Variants in ADPRHL1 observed in about 807,000 individuals in gnomAD.
ADPRHL1 encodes the protein inactive ADP-ribosyltransferase ARH2.
ADPRHL1 carries 43 observed loss-of-function variants against 44.1 expected under a neutral mutation model. The observed-to-expected ratio is 0.98, with a 90% CI of 0.76 to 1.26. The LOEUF is 1.26. Ranked by LOEUF, ADPRHL1 falls within the 50% of genes most tolerant of loss-of-function variation. ADPRHL1 has a pLI of 0.00. For missense variants in ADPRHL1, 2,022 were observed against 2,496.9 expected (o/e 0.81, Z 4.05); for synonymous variants, 878 against 1,017.4 (o/e 0.86, Z 2.61).
intron 7 of ADPRHL1, among the ~76,000 whole-genome samples, chr13:113,416,048 G>C (rs1202574174): frequency 6.6e-6 from 1 of 151,802 alleles, no homozygotes; most frequent in African/African-American, 2.4e-5. Flanking sequence ...CCAGGCGGCG[G>C]CAGAGCTGAT....
chr13:113,416,740 G>A (rs181903333), intron 7 of ADPRHL1, among the ~76,000 whole-genome samples: 69 of 152,316 alleles, frequency 4.5e-4, no homozygotes, highest in Non-Finnish European at 5.1e-4. Context: ...GGATAATAGC[G>A]TTATTGAAGG....
In ADPRHL1 at chr13:113,407,372, C is replaced by T; in HGVS notation, c.1910G>A (p.Cys637Tyr). The T allele has an allele frequency of 2.4e-6, 3 of 1,232,080 alleles. No individual in the cohort carries two copies. The highest frequency in any genetic ancestry group is 2.0e-6 in the Non-Finnish European group (2 of 988,088). 76.3% of individuals were successfully genotyped at this position (1,232,080 alleles called of 1,614,324 possible). ...TGCCTCCGAGTGGCTGATTTTGGTG[C>T]AGTGGGACAGCCAGCTCCTGGGGCC... ...VCGPRSWLSH[C>Y]TKISHSEARR... The change falls in exon 8 of 8, where the codon TGC becomes TAC. Residue 637 changes from cysteine (C) to tyrosine (Y), a missense_variant. Physicochemically the swap from Cys to Tyr is radical, Grantham distance 194. This residue lies in a region of ADPRHL1 where 1,221 missense variants were observed against 1,517.8 expected (regional missense o/e 0.80). Coordinates refer to ENST00000612156, the MANE Select transcript of ADPRHL1 (RefSeq NM_001394807.1).
chr13:113,450,878 G>C (rs1047777500), intron 1 of ADPRHL1, among the ~76,000 whole-genome samples: 1 of 152,010 alleles, frequency 6.6e-6, no homozygotes, highest in South Asian at 2.1e-4. Context: ...AACTGCGGGC[G>C]AGCCTGACTC....
chr13:113,414,227 G>A (rs2043875472), intron 7 of ADPRHL1, among the ~76,000 whole-genome samples: 1 of 152,214 alleles, frequency 6.6e-6, no homozygotes, highest in Non-Finnish European at 1.5e-5. Flanking sequence ...CCTCAGCCAT[G>A]TCACACACAT....
intron 4 of ADPRHL1, among the ~76,000 whole-genome samples, chr13:113,426,226 C>T (rs566380450): frequency 2.6e-5 from 4 of 152,334 alleles, no homozygotes; most frequent in African/African-American, 7.2e-5. Flanking sequence ...TCGCCTTCCC[C>T]GCCGTGGAGC....
chr13:113,422,771 C>T (rs118130529), intron 7 of ADPRHL1, 55 bp downstream of exon 7: 31 of 1,604,120 alleles, frequency 1.9e-5, no homozygotes, highest in Middle Eastern at 1.7e-4. Flanking sequence ...GAGGGCCCTA[C>T]GGGCCCCGGG....
At chr13:113,422,022 G>A (rs1252296752) in intron 7 of ADPRHL1, 1 of 152,254 alleles carries the variant, frequency 6.6e-6, no homozygotes, top group African/African-American at 2.4e-5. Context: ...ACAAGAGCAA[G>A]TGGTCTCTTT....
chr13:113,417,046 GGAGA>G (rs1165129355), intron 7 of ADPRHL1, among the ~76,000 whole-genome samples: 9 of 152,216 alleles, frequency 5.9e-5, no homozygotes, highest in Non-Finnish European at 1.3e-4. Flanking sequence ...CATTAAGATA[GGAGA>G]GAGAGACAGC....
At chr13:113,433,348 G>A (rs977107193) in intron 3 of ADPRHL1, among the ~76,000 whole-genome samples, 6 of 152,122 alleles carry the variant, frequency 3.9e-5, no homozygotes, top group Non-Finnish European at 8.8e-5. Flanking sequence ...GCACTGGTGC[G>A]TTTCTTTGTC....
chr13:113,419,813 T>C (rs1208959094), intron 7 of ADPRHL1, among the ~76,000 whole-genome samples: 1 of 152,232 alleles, frequency 6.6e-6, no homozygotes, highest in Non-Finnish European at 1.5e-5. Context: ...AAGCAAACCA[T>C]GACATATACC....
chr13:113,439,543 G>A (rs2044083718), intron 2 of ADPRHL1, among the ~76,000 whole-genome samples: 1 of 151,790 alleles, frequency 6.6e-6, no homozygotes, highest in Non-Finnish European at 1.5e-5. Flanking sequence ...CACCTCCTGG[G>A]TTCAAGCAAT....
At chr13:113,420,798 C>A (rs896680916) in intron 7 of ADPRHL1, among the ~76,000 whole-genome samples, 3 of 151,960 alleles carry the variant, frequency 2.0e-5, no homozygotes, top group African/African-American at 7.3e-5. Flanking sequence ...ACGAACGGGG[C>A]ATCTCTATGG....
intron 3 of ADPRHL1, among the ~76,000 whole-genome samples, chr13:113,431,462 C>T (rs929208674): frequency 2.0e-5 from 3 of 152,226 alleles, no homozygotes; most frequent in Non-Finnish European, 2.9e-5. Context: ...GGTTCTCAAG[C>T]CCAGGGCTCT....
intron 7 of ADPRHL1, among the ~76,000 whole-genome samples, chr13:113,413,530 C>T (rs112564631): frequency 0.021 from 3,214 of 152,342 alleles, 43 homozygotes; most frequent in African/African-American, 0.036. Context: ...TCTCCCGAGG[C>T]GCCCTGTGAT....
At chr13:113,427,033 AC>A (rs2043973080) in intron 4 of ADPRHL1, among the ~76,000 whole-genome samples, 1 of 152,224 alleles carries the variant, frequency 6.6e-6, no homozygotes, top group Non-Finnish European at 1.5e-5. Context: ...TCTGGGTTAA[AC>A]AAATTTGAAA....
chr13:113,407,822 A>C lies in ADPRHL1; in HGVS notation c.1460T>G (p.Leu487Arg). ...KTKEPAPKPC[L>R]SEKPRWGHPA... ...GTGGCCCCAGCGGGGCTTCTCGCTG[A>C]GGCAGGGCTTTGGGGCCGGCTCCTT... Residue 487 changes from leucine to arginine, a missense_variant, in exon 8 of 8, where the codon CTC becomes CGC. By Grantham distance (102) the Leu-to-Arg change is moderately radical (BLOSUM62 -2). Transcript: ENST00000612156. 1.6e-6 allele frequency: 2 copies of C among 1,231,818 alleles called. No individual in the cohort carries two copies. Among genetic ancestry groups the C allele is most frequent in the Non-Finnish European group, 2.0e-6 (2 of 987,960 alleles). 76.3% of individuals were successfully genotyped at this position (1,231,818 alleles called of 1,614,324 possible). A position where few individuals can be genotyped will look rare whatever the true frequency, so the allele number is the denominator to read the frequency against.
intron 7 of ADPRHL1, among the ~76,000 whole-genome samples, chr13:113,417,144 G>A (rs2043891053): frequency 6.6e-6 from 1 of 152,242 alleles, no homozygotes; most frequent in African/African-American, 2.4e-5. Flanking sequence ...CGGAACCCCG[G>A]ATGCACCAGC....
chr13:113,426,059 T>C (rs1354828899), intron 4 of ADPRHL1, among the ~76,000 whole-genome samples: 2 of 152,232 alleles, frequency 1.3e-5, no homozygotes, highest in African/African-American at 2.4e-5. Flanking sequence ...ATTAGCCCTG[T>C]GCCTGCAGAG....
chr13:113,409,491 C>T lies in ADPRHL1; in HGVS notation c.1062-1271G>A, dbSNP rs780246670. 6.1e-6 allele frequency: 6 copies of T among 985,432 alleles called. No homozygotes were observed. Among genetic ancestry groups the T allele is most frequent in the Non-Finnish European group, 7.2e-6 (6 of 829,930 alleles). 61.0% of individuals were successfully genotyped at this position (985,432 alleles called of 1,614,324 possible). A position where few individuals can be genotyped will look rare whatever the true frequency, so the allele number is the denominator to read the frequency against. ...TCCTCGATGTCCAACTCCAGGGCGG[C>T]CGCACAATGGCACGTCCACATTTGT... is the stretch of plus-strand genomic sequence containing the variant. On this transcript the variant is annotated intron_variant, in intron 7 of 7. Transcript: ENST00000612156. The surrounding 1 kb of genome is among the most constrained non-coding windows in gnomAD (Gnocchi z 4.2).
Sources: allele counts gnomAD v4.1 joint callset (sites outside exome capture counted in the v4.1 genomes callset), GRCh38; gene constraint gnomAD v4.1.1; regional missense constraint gnomAD v4.1.1; non-coding constraint Gnocchi (gnomAD v3.1); transcripts MANE v1.5; gene names NCBI Gene and HGNC (gene_info 2026-07-23, HGNC 2026-07-21).